SLC9A9: variants seen among roughly 807,000 people sequenced by gnomAD.
The protein encoded by SLC9A9 is sodium/hydrogen exchanger 9.
A neutral mutation model predicts 77.8 loss-of-function variants in SLC9A9; 62 were observed. The observed-to-expected ratio is 0.80, with a 90% CI of 0.65 to 0.98. The LOEUF is 0.98. Among genes scored for constraint, SLC9A9 ranks in the 50% least tolerant of loss-of-function variants. The pLI is 0.00. For missense variants in SLC9A9, 775 were observed against 774.9 expected, an observed-to-expected ratio of 1.00 and a Z score of 0.00; for synonymous variants, 320 against 283.5, an observed-to-expected ratio of 1.13 and a Z score of -1.29.
chr3:143,578,159 T>C (rs1021983905), intron 7 of SLC9A9, among the ~76,000 whole-genome samples: 1 of 152,172 alleles, frequency 6.6e-6, no homozygotes, highest in Non-Finnish European at 1.5e-5. Flanking sequence ...TGTAAGCTAG[T>C]GATTGAATAA....
intron 12 of SLC9A9, among the ~76,000 whole-genome samples, chr3:143,466,457 C>A (rs1343561544): frequency 6.6e-6 from 1 of 152,206 alleles, no homozygotes; most frequent in East Asian, 1.9e-4. Flanking sequence ...TAGCAATCAT[C>A]TTCCAGAACT....
At chr3:143,744,556 C>A (rs1935160448) in intron 4 of SLC9A9, among the ~76,000 whole-genome samples, 1 of 152,124 alleles carries the variant, frequency 6.6e-6, no homozygotes, top group Non-Finnish European at 1.5e-5. Context: ...CCTGCCTAAG[C>A]CCTGCTTGCG....
chr3:143,687,281 TA>T (rs1333737731), intron 5 of SLC9A9, among the ~76,000 whole-genome samples: 2 of 152,182 alleles, frequency 1.3e-5, no homozygotes, highest in Non-Finnish European at 2.9e-5. Context: ...AATTAATTTT[TA>T]AATGGCCAAG....
chr3:143,713,030 C>A (rs1408629240), intron 4 of SLC9A9, among the ~76,000 whole-genome samples: 1 of 152,120 alleles, frequency 6.6e-6, no homozygotes, highest in African/African-American at 2.4e-5. Context: ...AGAACCCAAA[C>A]AGAAGATGGT....
At chr3:143,696,401 G>T (rs1420717042) in intron 4 of SLC9A9, among the ~76,000 whole-genome samples, 28 of 152,196 alleles carry the variant, frequency 1.8e-4, no homozygotes, top group Non-Finnish European at 5.9e-5. Context: ...AACAAACAAA[G>T]ATCCCTGCCC....
At chr3:143,675,013 C>T (rs901868746) in intron 5 of SLC9A9, among the ~76,000 whole-genome samples, 2 of 152,118 alleles carry the variant, frequency 1.3e-5, no homozygotes, top group African/African-American at 2.4e-5. Context: ...CCTGGACCTA[C>T]GGAATCAGAA....
intron 9 of SLC9A9, among the ~76,000 whole-genome samples, chr3:143,512,636 G>A (rs1436363182): frequency 6.6e-6 from 1 of 152,250 alleles, no homozygotes; most frequent in African/African-American, 2.4e-5. Context: ...CCAGCACTTT[G>A]GGATGCCAAG....
intron 14 of SLC9A9, among the ~76,000 whole-genome samples, chr3:143,361,363 T>A (rs2032748550): frequency 6.6e-6 from 1 of 152,174 alleles, no homozygotes; most frequent in Non-Finnish European, 1.5e-5. Context: ...AGCAACCTGA[T>A]CTCAGGATGA....
At chr3:143,802,186 A>G (rs1472169587) in intron 2 of SLC9A9, among the ~76,000 whole-genome samples, 1 of 152,158 alleles carries the variant, frequency 6.6e-6, no homozygotes, top group African/African-American at 2.4e-5. Flanking sequence ...TGGTTCTTAG[A>G]CCAAGGAAAG....
At chr3:143,641,818 T>C (rs2038628786) in intron 6 of SLC9A9, among the ~76,000 whole-genome samples, 1 of 152,220 alleles carries the variant, frequency 6.6e-6, no homozygotes, top group Non-Finnish European at 1.5e-5. Context: ...ACTTTCTCTA[T>C]ACACATTATT....
At chr3:143,365,066 T>C (rs1476839483) in intron 13 of SLC9A9, among the ~76,000 whole-genome samples, 1 of 152,228 alleles carries the variant, frequency 6.6e-6, no homozygotes, top group Non-Finnish European at 1.5e-5. Flanking sequence ...GAAAATGTGG[T>C]ACATATATAC....
intron 7 of SLC9A9, among the ~76,000 whole-genome samples, chr3:143,577,063 C>G (rs2037371939): frequency 6.6e-6 from 1 of 152,278 alleles, no homozygotes; most frequent in South Asian, 2.1e-4. Flanking sequence ...TCCCTTGATT[C>G]TAGTCTCCTT....
Position 143,586,854 on chromosome 3 carries a change from G to A in SLC9A9, c.756-8131C>T, listed in dbSNP as rs193262387. On this transcript the variant is annotated intron_variant, in intron 6 of 15. Transcript: ENST00000316549. Reference sequence around the variant, plus strand: ...AAGAGCTGCTTCTTAATAATAAGAGGTCCTGGCCAAAGTTCACTGAGCTTG... The same window carrying A: ...AAGAGCTGCTTCTTAATAATAAGAGATCCTGGCCAAAGTTCACTGAGCTTG... 3.8e-3 allele frequency among the ~76,000 whole-genome samples: 584 copies of A among 152,252 alleles called. 16 individuals carry two copies. Among genetic ancestry groups the A allele is most frequent in the Non-Finnish European group, 7.5e-4 (51 of 68,022 alleles).
At chr3:143,629,838 A>G (rs2038391478) in intron 6 of SLC9A9, among the ~76,000 whole-genome samples, 1 of 152,146 alleles carries the variant, frequency 6.6e-6, no homozygotes, top group Admixed American at 6.5e-5. Context: ...TTAAGAGTCT[A>G]TTATGAGCCA....
At chr3:143,693,351 C>A (rs770992173) in intron 4 of SLC9A9, 44 bp from the exon 5 acceptor site, 1 of 1,434,392 alleles carries the variant, frequency 7.0e-7, no homozygotes, top group Non-Finnish European at 9.8e-7. Flanking sequence ...AAGATGAACC[C>A]TGTGTAAACC....
intron 12 of SLC9A9, among the ~76,000 whole-genome samples, chr3:143,452,796 A>G (rs1485638939): frequency 6.6e-6 from 1 of 151,790 alleles, no homozygotes; most frequent in Non-Finnish European, 1.5e-5. Context: ...TTCTAGGTGC[A>G]ATAATGGTAC....
intron 12 of SLC9A9, among the ~76,000 whole-genome samples, chr3:143,387,020 C>A (rs1162863941): frequency 6.6e-6 from 1 of 151,988 alleles, no homozygotes; most frequent in Non-Finnish European, 1.5e-5. Flanking sequence ...TTTGTATTTT[C>A]AGTAGAGATG....
intron 7 of SLC9A9, among the ~76,000 whole-genome samples, chr3:143,577,763 G>A (rs924814284): frequency 6.6e-6 from 1 of 152,118 alleles, no homozygotes; most frequent in Admixed American, 6.6e-5. Context: ...TTTGCCTGGG[G>A]CCTTCACCCC....
intron 14 of SLC9A9, among the ~76,000 whole-genome samples, chr3:143,351,578 G>C (rs1469658925): frequency 2.0e-5 from 3 of 152,200 alleles, no homozygotes; most frequent in African/African-American, 7.2e-5. Flanking sequence ...CCATTCCACA[G>C]TGGGATATCT....
Sources: allele counts gnomAD v4.1 joint callset (sites outside exome capture counted in the v4.1 genomes callset), GRCh38; gene constraint gnomAD v4.1.1; transcripts MANE v1.5; gene names NCBI Gene and HGNC (gene_info 2026-07-23, HGNC 2026-07-21).